SLC25A29: variants seen among roughly 807,000 people sequenced by gnomAD.
SLC25A29 encodes solute carrier family 25 member 29, also known as mitochondrial basic amino acids transporter.
A neutral mutation model predicts 10.0 loss-of-function variants in SLC25A29; 13 were observed. That is an observed-to-expected ratio of 1.30 (90% CI 0.85 to 2.07). The LOEUF is 2.07. Among genes scored for constraint, SLC25A29 ranks in the 30% most tolerant of loss-of-function variants. The pLI, the probability that SLC25A29 is intolerant of heterozygous loss-of-function variation, is 0.00. For missense variants in SLC25A29, 475 were observed against 447.6 expected, an observed-to-expected ratio of 1.06 and a Z score of -0.55; for synonymous variants, 244 against 221.1, an observed-to-expected ratio of 1.10 and a Z score of -0.92.
chr14:100,297,424 C>G (rs182078064), intron 2 of SLC25A29, among the ~76,000 whole-genome samples: 3 of 152,266 alleles, frequency 2.0e-5, no homozygotes, highest in African/African-American at 7.2e-5. Flanking sequence ...CAGGTCTGGC[C>G]AATTCATAGC....
intron 1 of SLC25A29, chr14:100,299,119 G>C: frequency 7.1e-7 from 1 of 1,402,896 alleles, no homozygotes; most frequent in Non-Finnish European, 9.3e-7. Flanking sequence ...GTCCCACTCA[G>C]CACTGGTGTC....
At chr14:100,285,726 C>A in the SLC25A29 span, among the ~76,000 whole-genome samples, 1 of 152,126 alleles carries the variant, frequency 6.6e-6, no homozygotes, top group African/African-American at 2.4e-5. Context: ...CACAGGGACA[C>A]GGGGCAGGGC....
Position 100,292,525 on chromosome 14 carries a change from C to G in SLC25A29, c.670G>C (p.Gly224Arg). 8 of 1,592,922 alleles carry G rather than the reference C, an allele frequency of 5.0e-6. No homozygotes were observed. The highest frequency in any genetic ancestry group is 6.8e-6 in the Non-Finnish European group (8 of 1,171,354). ...KSRLQADGLRGAPRYRGILDC... is the reference protein window; with the variant it reads ...KSRLQADGLRRAPRYRGILDC... ...AGGATGCCGCGGTAGCGCGGGGCGC[C>G]CCGCAGTCCGTCCGCCTGCAGCCGC... The change falls in exon 4 of 4, where the codon GGC becomes CGC. Residue 224 changes from glycine (G) to arginine (R), a missense_variant. Coordinates refer to ENST00000359232, the MANE Select transcript of SLC25A29 (RefSeq NM_001039355.3).
rs777948138 is a variant in SLC25A29, at chr14:100,292,473, G to T, written c.722C>A (p.Ala241Asp). 1.3e-6 allele frequency: 2 copies of T among 1,582,144 alleles called. No homozygotes were observed. The highest frequency in any genetic ancestry group is 3.6e-5 in the Admixed American group (2 of 55,414). ...ILDCVHQSYR[A>D]EGWRVFTRGL... ...CCGTGTGAAGACGCGCCAGCCCTCG[G>T]CGCGGTAGCTCTGGTGCACGCAGTC... Residue 241 changes from alanine to aspartate, a missense_variant, in exon 4 of 4, where the codon GCC becomes GAC. Transcript: ENST00000359232.
chr14:100,285,518 C>G, the SLC25A29 span, among the ~76,000 whole-genome samples: 4 of 151,652 alleles, frequency 2.6e-5, no homozygotes, highest in African/African-American at 9.7e-5. Flanking sequence ...TCGCGGGGAC[C>G]CGAGGCGCGG....
At chr14:100,281,061 C>CA in the SLC25A29 span, 9 of 100,892 alleles carry the variant, frequency 8.9e-5, no homozygotes, top group African/African-American at 4.4e-4. Flanking sequence ...CTCCGTCTCC[C>CA]AAAAAAAAAA....
chr14:100,283,683 A>G, the SLC25A29 span, among the ~76,000 whole-genome samples: 13 of 151,572 alleles, frequency 8.6e-5, no homozygotes, highest in South Asian at 1.5e-3. Context: ...GGGTTTCACT[A>G]TGTTGGCCAG....
Position 100,292,820 on chromosome 14 carries a change from C to T in SLC25A29, c.375G>A (p.Ala125=), listed in dbSNP as rs765446494. 8.2e-6 allele frequency: 13 copies of T among 1,590,702 alleles called. No individual in the cohort carries two copies. The African/African-American group carries it at 1.1e-4, about 13-fold the overall frequency. ...AGCCCTTGTAGGTGCGCGCTGGGCCCGCGTCCTGCAGCTGCAGCCGCGTCT... is the reference window on the plus strand; with the variant it reads ...AGCCCTTGTAGGTGCGCGCTGGGCCTGCGTCCTGCAGCTGCAGCCGCGTCT... ...LAKTRLQLQD[A]GPARTYKGSL... Residue 125 remains alanine (A), a synonymous_variant, in exon 4 of 4, where the codon GCG becomes GCA. Coordinates refer to ENST00000359232, the MANE Select transcript of SLC25A29 (RefSeq NM_001039355.3).
chr14:100,304,277 G>T (rs191089528), intron 1 of SLC25A29, among the ~76,000 whole-genome samples: 239 of 152,246 alleles, frequency 1.6e-3, no homozygotes, highest in Middle Eastern at 0.01. Context: ...CTGTGCCAGG[G>T]ACCTGGAGCC....
downstream of SLC25A29, among the ~76,000 whole-genome samples, chr14:100,289,294 G>C (rs1368758711): frequency 6.6e-6 from 1 of 152,198 alleles, no homozygotes; most frequent in African/African-American, 2.4e-5. Flanking sequence ...TCACTGTCAA[G>C]GGAAGACAGC....
At chr14:100,284,442 C>CA in the SLC25A29 span, among the ~76,000 whole-genome samples, 2 of 152,330 alleles carry the variant, frequency 1.3e-5, no homozygotes, top group East Asian at 3.9e-4. Flanking sequence ...TTTCTGCTAA[C>CA]AGGGTCTCAG....
At chr14:100,288,217 AC>A (rs915672311), downstream of SLC25A29, among the ~76,000 whole-genome samples, 15 of 152,038 alleles carry the variant, frequency 9.9e-5, no homozygotes, top group African/African-American at 3.6e-4. Context: ...CCCCATCTCT[AC>A]TAAAAACACA....
At chr14:100,298,986 C>G (rs1892360336) in intron 1 of SLC25A29, 101 bp from the exon 2 acceptor site, 3 of 1,540,638 alleles carry the variant, frequency 1.9e-6, no homozygotes. Flanking sequence ...GCAGGAGCTG[C>G]TGCCGGGGAA....
chr14:100,293,565 G>C (rs1891932455), intron 2 of SLC25A29, 188 bp from the exon 3 acceptor site: 2 of 598,362 alleles, frequency 3.3e-6, no homozygotes, highest in African/African-American at 3.7e-5. Context: ...GGTGCCAGTA[G>C]GCAAACAGCT....
Position 100,293,024 on chromosome 14 carries a change from GC to G in SLC25A29, c.170del (p.Gly57AlafsTer290). On this transcript the variant is annotated frameshift_variant, in exon 4 of 4. Coordinates refer to ENST00000359232, the MANE Select transcript of SLC25A29 (RefSeq NM_001039355.3). LOFTEE classifies it low-confidence loss of function (END_TRUNC). ...KSIIKQESVL[G>X]LYKGLGSPLM... ...GCGGCGAGCCCAGGCCCTTGTACAGGCCCAGCACCTGCGGGGACAGAGACGC... is the reference window on the plus strand; with the variant it reads ...GCGGCGAGCCCAGGCCCTTGTACAGGCCAGCACCTGCGGGGACAGAGACGC... 6.5e-7 allele frequency: 1 copy of G among 1,546,480 alleles called. No individual in the cohort carries two copies. The highest frequency in any genetic ancestry group is 8.7e-7 in the Non-Finnish European group (1 of 1,149,244).
intron 2 of SLC25A29, chr14:100,296,462 C>G (rs1490171313): frequency 5.7e-6 from 1 of 174,992 alleles, no homozygotes; most frequent in African/African-American, 2.4e-5. Flanking sequence ...CAGTGGAAGC[C>G]TCAGAAGGGG....
At chr14:100,283,112 C>A in the SLC25A29 span, among the ~76,000 whole-genome samples, 1 of 152,208 alleles carries the variant, frequency 6.6e-6, no homozygotes, top group East Asian at 1.9e-4. Context: ...CCCATGTCAG[C>A]CCTGGAAGCT....
chr14:100,301,463 CTATT>C (rs1472434973), intron 1 of SLC25A29, among the ~76,000 whole-genome samples: 1 of 152,068 alleles, frequency 6.6e-6, no homozygotes, highest in Non-Finnish European at 1.5e-5. Context: ...CCACGCCCAG[CTATT>C]TATTCCCTTT....
intron 1 of SLC25A29, chr14:100,299,935 T>C (rs1332644165): frequency 2.0e-6 from 2 of 985,352 alleles, no homozygotes; most frequent in African/African-American, 3.5e-5. Context: ...TCTCCACAAA[T>C]TGAACTTTGT....
Sources: gnomAD v4.1 joint callset for allele counts (sites outside exome capture counted in the v4.1 genomes callset) on GRCh38, gnomAD v4.1.1 for gene constraint, MANE v1.5 for transcripts, NCBI Gene and HGNC (gene_info 2026-07-23, HGNC 2026-07-21) for gene names.